GABRA4: variants seen among roughly 807,000 people sequenced by gnomAD.
The protein encoded by GABRA4 is gamma-aminobutyric acid receptor subunit alpha-4.
Under a neutral mutation model 49.7 loss-of-function variants are expected in GABRA4, and 12 were observed. That is an observed-to-expected ratio of 0.24 (90% confidence interval 0.15 to 0.39). The LOEUF is 0.39. Ranked by LOEUF, GABRA4 falls within the 10% of genes least tolerant of loss-of-function variation. GABRA4 has a pLI of 1.00. For missense variants in GABRA4, 506 were observed against 686.0 expected (o/e 0.74, Z 2.93); for synonymous variants, 288 against 240.2 (o/e 1.20, Z -1.84).
At chr4:46,970,699 G>T (rs537999621) in intron 7 of GABRA4, among the ~76,000 whole-genome samples, 31 of 144,988 alleles carry the variant, frequency 2.1e-4, no homozygotes, top group African/African-American at 7.5e-4. Context: ...TATTCATTCA[G>T]CCATGACTTT....
intron 8 of GABRA4, among the ~76,000 whole-genome samples, chr4:46,944,876 G>T (rs536676482): frequency 3.9e-5 from 6 of 152,028 alleles, no homozygotes; most frequent in Non-Finnish European, 7.4e-5. Context: ...TTCTTTAAGG[G>T]CCTCAACAGT....
At chr4:46,969,786 A>G (rs527361463) in intron 7 of GABRA4, among the ~76,000 whole-genome samples, 1 of 151,580 alleles carries the variant, frequency 6.6e-6, no homozygotes, top group South Asian at 2.1e-4. Flanking sequence ...GCTGACACCT[A>G]CAGCTTAGAT....
At chr4:46,957,974 A>C (rs1404168825) in intron 8 of GABRA4, among the ~76,000 whole-genome samples, 3 of 151,986 alleles carry the variant, frequency 2.0e-5, no homozygotes, top group Non-Finnish European at 4.4e-5. Context: ...ATGAACAAAA[A>C]TATTCTATAT....
At chr4:46,978,772 T>C (rs1170478177) in intron 3 of GABRA4, among the ~76,000 whole-genome samples, 1 of 151,136 alleles carries the variant, frequency 6.6e-6, no homozygotes, top group East Asian at 1.9e-4. Context: ...CACCCTAGGT[T>C]GTGCTATAGG....
chr4:46,966,732 A>T (rs1722766712), intron 7 of GABRA4, among the ~76,000 whole-genome samples: 1 of 151,790 alleles, frequency 6.6e-6, no homozygotes, highest in South Asian at 2.1e-4. Context: ...AATTGGAGCA[A>T]CTGTGCAACA....
In GABRA4 at chr4:46,928,802, G is replaced by C. The variant is rs896923936; in HGVS notation, c.1135-47C>G. The C allele has an allele frequency of 4.6e-6, 6 of 1,312,934 alleles. No individual in the cohort carries two copies. The Admixed American group carries it at 6.6e-5, about 14-fold the overall frequency. The allele number at this position is 1,312,934 out of a possible 1,614,324, so 81.3% of individuals were successfully genotyped here. On this transcript the variant is annotated intron_variant, in intron 8 of 8. Transcript: ENST00000264318. ...TATATTGGTTATGTAACTTTATGCA[G>C]ATTTGTACAAAATTTAAAGGGATCA...
chr4:46,986,425 TTC>T (rs1723540506), intron 2 of GABRA4, among the ~76,000 whole-genome samples: 1 of 152,004 alleles, frequency 6.6e-6, no homozygotes, highest in African/African-American at 2.4e-5. Context: ...TCTTTATTTT[TTC>T]TTTCTTTATT....
chr4:46,939,603 C>T (rs1294414632), intron 8 of GABRA4, among the ~76,000 whole-genome samples: 1 of 151,896 alleles, frequency 6.6e-6, no homozygotes, highest in African/African-American at 2.4e-5. Flanking sequence ...AATATATATA[C>T]TCATGGAATT....
rs1320689336 is a variant in GABRA4 at position 46,940,311 on chromosome 4, A to G, written c.1135-11556T>C. Reference sequence around the variant, plus strand: ...CATAGGATACTGAAATTTCAGCTCCATCTGTAGCCCAGAGAAGGTATCAAC... The same window carrying G: ...CATAGGATACTGAAATTTCAGCTCCGTCTGTAGCCCAGAGAAGGTATCAAC... On this transcript the variant is annotated intron_variant, in intron 8 of 8. Coordinates refer to ENST00000264318, the MANE Select transcript of GABRA4 (RefSeq NM_000809.4). Among the ~76,000 whole-genome samples, 3 of 152,024 alleles carry G rather than the reference A, an allele frequency of 2.0e-5. No homozygotes were observed. In the East Asian group the frequency reaches 5.8e-4, roughly 29 times the overall value.
chr4:46,985,248 G>A (rs1318543780), intron 2 of GABRA4, among the ~76,000 whole-genome samples: 1 of 151,766 alleles, frequency 6.6e-6, no homozygotes, highest in Non-Finnish European at 1.5e-5. Flanking sequence ...ACATTCAAAG[G>A]AAAACTAAGA....
chr4:46,930,634 C>T (rs1721393870), intron 8 of GABRA4, among the ~76,000 whole-genome samples: 1 of 138,100 alleles, frequency 7.2e-6, no homozygotes, highest in African/African-American at 2.6e-5. Context: ...GAAAGAAATA[C>T]ATTTTTTTTT....
Position 46,979,357 on chromosome 4 carries a change from C to T in GABRA4, c.206-259G>A, listed in dbSNP as rs41265721. Among the ~76,000 whole-genome samples, 1,150 of 152,136 alleles carry T rather than the reference C, an allele frequency of 7.6e-3. 6 individuals are homozygous for T. Among genetic ancestry groups the T allele is most frequent in the Non-Finnish European group, 0.012 (824 of 67,972 alleles). On this transcript the variant is annotated intron_variant, in intron 2 of 8. Transcript: ENST00000264318. ...TTGTTTCTTCAAAGATACGTCACCCCTGGGTACTGTTACAACAGGCAATGC... is the reference window on the plus strand; with the variant it reads ...TTGTTTCTTCAAAGATACGTCACCCTTGGGTACTGTTACAACAGGCAATGC...
intron 8 of GABRA4, among the ~76,000 whole-genome samples, chr4:46,944,220 T>C (rs1721908892): frequency 6.6e-6 from 1 of 152,156 alleles, no homozygotes; most frequent in Non-Finnish European, 1.5e-5. Context: ...TACATGTATG[T>C]CAAAACATGA....
intron 8 of GABRA4, among the ~76,000 whole-genome samples, chr4:46,940,318 G>T (rs1182507522): frequency 6.6e-6 from 1 of 151,902 alleles, no homozygotes; most frequent in Admixed American, 6.6e-5. Flanking sequence ...TCCATCTGTA[G>T]CCCAGAGAAG....
intron 8 of GABRA4, among the ~76,000 whole-genome samples, chr4:46,948,930 A>G (rs1329431844): frequency 6.6e-6 from 1 of 151,960 alleles, no homozygotes; most frequent in East Asian, 1.9e-4. Context: ...CTTTCCATAT[A>G]TTTTCTTTTC....
Position 46,922,378 on chromosome 4 carries a change from C to G in GABRA4, c.*5847G>C, listed in dbSNP as rs1404832595. 1 of 152,110 alleles carries G rather than the reference C, an allele frequency of 6.6e-6. No homozygotes were observed. Among genetic ancestry groups the G allele is most frequent in the Non-Finnish European group, 1.5e-5 (1 of 68,032 alleles). The allele number at this position is 152,110 out of a possible 1,614,324, so 9.4% of individuals were successfully genotyped here. A position where few individuals can be genotyped will look rare whatever the true frequency, so the allele number is the denominator to read the frequency against. On this transcript the variant is annotated 3_prime_UTR_variant, in exon 9 of 9. Transcript: ENST00000264318. ...TCTGTGGGCTGATCTGACTCACCCTCCCACCACTTCCCACACTGTAGTTCA... is the reference window on the plus strand; with the variant it reads ...TCTGTGGGCTGATCTGACTCACCCTGCCACCACTTCCCACACTGTAGTTCA...
rs566982572 is a variant in GABRA4 at position 46,936,770 on chromosome 4, A to G, written c.1135-8015T>C. 1.2e-4 allele frequency among the ~76,000 whole-genome samples: 18 copies of G among 152,328 alleles called. No homozygotes were observed. The South Asian group carries it at 3.5e-3, about 30-fold the overall frequency. On this transcript the variant is annotated intron_variant, in intron 8 of 8. Transcript: ENST00000264318. ...CTTTCTAAATATATTGGAATATTTAAAAGAATTGTATCTGTGAATCTATTG... is the reference window on the plus strand; with the variant it reads ...CTTTCTAAATATATTGGAATATTTAGAAGAATTGTATCTGTGAATCTATTG...
In GABRA4 at chr4:46,928,013, G is replaced by T; in HGVS notation, c.*212C>A. 2.2e-6 allele frequency: 1 copy of T among 464,286 alleles called. No homozygotes were observed. Among genetic ancestry groups the T allele is most frequent in the Non-Finnish European group, 3.8e-6 (1 of 264,312 alleles). The allele number at this position is 464,286 out of a possible 1,614,324, so 28.8% of individuals were successfully genotyped here. Reference sequence around the variant, plus strand: ...TGTGTATTCTATCTAACTGAATGCTGAGTTCTTTTAAAATAATTTTTCTGA... The same window carrying T: ...TGTGTATTCTATCTAACTGAATGCTTAGTTCTTTTAAAATAATTTTTCTGA... On this transcript the variant is annotated 3_prime_UTR_variant, in exon 9 of 9. Transcript: ENST00000264318.
At chr4:46,964,930 A>G (rs753278224) in intron 8 of GABRA4, 40 bp downstream of exon 8, 4 of 1,502,322 alleles carry the variant, frequency 2.7e-6, no homozygotes, top group South Asian at 2.7e-5. Flanking sequence ...TTTGACCAAG[A>G]AGCTAAAATC....
Sources: gnomAD v4.1 joint callset for allele counts (sites outside exome capture counted in the v4.1 genomes callset) on GRCh38, gnomAD v4.1.1 for gene constraint, MANE v1.5 for transcripts, NCBI Gene and HGNC (gene_info 2026-07-23, HGNC 2026-07-21) for gene names.